ANKS1A: variants seen among roughly 807,000 people sequenced by gnomAD.
ANKS1A encodes ankyrin repeat and SAM domain-containing protein 1A.
ANKS1A carries 55 observed loss-of-function variants against 120.3 expected under a neutral mutation model. The ratio of observed to expected loss-of-function variants is 0.46; its 90% CI spans 0.37 to 0.57. The LOEUF (loss-of-function observed/expected upper bound fraction) is 0.57, where lower values mean the gene tolerates loss of function less well. Among genes scored for constraint, ANKS1A ranks in the 20% least tolerant of loss-of-function variants. ANKS1A has a pLI of 0.00. For synonymous variants in ANKS1A, 590 were observed against 604.7 expected (o/e 0.98, Z 0.36); for missense variants, 1,123 against 1,480.3 (o/e 0.76, Z 3.96).
chr6:34,929,769 TCCCCTC>T (rs1003042675), intron 1 of ANKS1A, among the ~76,000 whole-genome samples: 5 of 146,954 alleles, frequency 3.4e-5, no homozygotes, highest in Admixed American at 6.8e-5. Flanking sequence ...CCCTTCTCCT[TCCCCTC>T]CCCCTCCCCC....
intron 1 of ANKS1A, among the ~76,000 whole-genome samples, chr6:34,933,612 C>T (rs529983172): frequency 4.1e-4 from 63 of 152,278 alleles, no homozygotes; most frequent in African/African-American, 1.4e-3. Context: ...TTAGGTGATC[C>T]GCCCGCCTCA....
Position 34,942,485 on chromosome 6 carries a change from G to A in ANKS1A, c.198-24754G>A, listed in dbSNP as rs115498331. Among the ~76,000 whole-genome samples the A allele has an allele frequency of 3.5e-3, 529 of 152,344 alleles. 6 individuals are homozygous for A. Among genetic ancestry groups the A allele is most frequent in the African/African-American group, 0.012 (504 of 41,572 alleles). Reference sequence around the variant, plus strand: ...TTCATACTCCAAATCTGAAGAGTGAGTGAGGTGGTGGATGATCACTAACAG... The same window carrying A: ...TTCATACTCCAAATCTGAAGAGTGAATGAGGTGGTGGATGATCACTAACAG... On this transcript the variant is annotated intron_variant, in intron 1 of 23. Transcript: ENST00000360359.
intron 10 of ANKS1A, among the ~76,000 whole-genome samples, chr6:35,015,776 G>GA (rs1280479641): frequency 6.6e-6 from 1 of 152,204 alleles, no homozygotes; most frequent in African/African-American, 2.4e-5. Context: ...AGGCTGTTTT[G>GA]AAAAAACCAC....
chr6:35,028,199 A>C (rs1774725022), intron 11 of ANKS1A, among the ~76,000 whole-genome samples: 1 of 152,222 alleles, frequency 6.6e-6, no homozygotes, highest in South Asian at 2.1e-4. Context: ...AAAAGCATGG[A>C]AGAGCCTTAT....
At chr6:35,063,979 A>G (rs953089340) in intron 13 of ANKS1A, among the ~76,000 whole-genome samples, 3 of 152,218 alleles carry the variant, frequency 2.0e-5, no homozygotes, top group African/African-American at 4.8e-5. Context: ...GAAAGATCAC[A>G]GAGACAGGAA....
chr6:34,952,399 A>G (rs1770131653), intron 1 of ANKS1A, among the ~76,000 whole-genome samples: 1 of 152,192 alleles, frequency 6.6e-6, no homozygotes, highest in Non-Finnish European at 1.5e-5. Flanking sequence ...ATAAGCCAGT[A>G]TTTGTGATTT....
intron 13 of ANKS1A, among the ~76,000 whole-genome samples, chr6:35,061,441 G>A (rs980737752): frequency 1.3e-5 from 2 of 152,214 alleles, no homozygotes; most frequent in Non-Finnish European, 2.9e-5. Context: ...TGGGGTCAGA[G>A]TCAGCATGCA....
intron 1 of ANKS1A, among the ~76,000 whole-genome samples, chr6:34,955,602 C>G (rs571477744): frequency 6.6e-6 from 1 of 152,102 alleles, no homozygotes; most frequent in African/African-American, 2.4e-5. Flanking sequence ...CAGATATGGT[C>G]TCTAGGCCTG....
At chr6:35,056,447 C>T (rs1434425967) in intron 12 of ANKS1A, among the ~76,000 whole-genome samples, 1 of 152,120 alleles carries the variant, frequency 6.6e-6, no homozygotes, top group Admixed American at 6.5e-5. Flanking sequence ...CGCCACCACG[C>T]CCGGCTAATT....
rs143962498 is a variant in ANKS1A, at chr6:34,944,134, C to T, written c.198-23105C>T. Among the ~76,000 whole-genome samples the T allele has an allele frequency of 1.3e-4, 20 of 152,184 alleles. No individual in the cohort carries two copies. In the East Asian group the frequency reaches 2.3e-3, roughly 18 times the overall value. On this transcript the variant is annotated intron_variant, in intron 1 of 23. Transcript: ENST00000360359. ...CTAAAAATACAAAAACAAAGTTAGC[C>T]GGGCATGGTGGTGGGTGCCTGTAGT...
chr6:34,894,166 A>G (rs891489922), intron 1 of ANKS1A, among the ~76,000 whole-genome samples: 4 of 152,156 alleles, frequency 2.6e-5, no homozygotes, highest in Non-Finnish European at 5.9e-5. Context: ...TTCTTAACTT[A>G]CAGTATTTTT....
chr6:34,893,026 G>T (rs11964856), intron 1 of ANKS1A, among the ~76,000 whole-genome samples: 15 of 152,246 alleles, frequency 9.9e-5, no homozygotes, highest in African/African-American at 3.4e-4. Context: ...AAGACCACTT[G>T]TTTTTGTGTC....
At chr6:34,947,742 G>A (rs905703037) in intron 1 of ANKS1A, among the ~76,000 whole-genome samples, 1 of 152,214 alleles carries the variant, frequency 6.6e-6, no homozygotes, top group African/African-American at 2.4e-5. Context: ...GTACTCCTCA[G>A]TTGGGAGATG....
chr6:35,060,190 G>T lies in ANKS1A; in HGVS notation c.2121G>T (p.Ser707=), dbSNP rs371111215. 5 of 1,612,714 alleles carry T rather than the reference G, an allele frequency of 3.1e-6. No homozygotes were observed. The highest frequency in any genetic ancestry group is 8.5e-7 in the Non-Finnish European group (1 of 1,179,700). Residue 707 remains serine (S), a synonymous_variant, in exon 13 of 24, where the codon TCG becomes TCT. Transcript: ENST00000360359. This position sits in a 1 kb window ranked among gnomAD's most constrained non-coding sequence, Gnocchi z 4.5. ...AGAGTGTCGGGGAGTGGCTGGAGTCGATTGGGCTGCAGCAGTATGAGAGCA... is the reference window on the plus strand; with the variant it reads ...AGAGTGTCGGGGAGTGGCTGGAGTCTATTGGGCTGCAGCAGTATGAGAGCA... ...LEQSVGEWLE[S]IGLQQYESKL...
At chr6:35,027,558 G>A (rs962543533) in intron 11 of ANKS1A, among the ~76,000 whole-genome samples, 9 of 152,158 alleles carry the variant, frequency 5.9e-5, no homozygotes, top group African/African-American at 1.9e-4. Context: ...GCAGCCAGAT[G>A]GTGGGGGATA....
intron 1 of ANKS1A, among the ~76,000 whole-genome samples, chr6:34,961,901 T>A (rs974853282): frequency 6.6e-6 from 1 of 152,226 alleles, no homozygotes; most frequent in African/African-American, 2.4e-5. Context: ...CAGACAGTCC[T>A]TGTTTGGCCA....
intron 11 of ANKS1A, among the ~76,000 whole-genome samples, chr6:35,052,399 C>T (rs820096): frequency 0.4 from 61,194 of 151,334 alleles, 12,696 homozygotes; most frequent in East Asian, 0.62. Context: ...TGCAGTGAGC[C>T]GTGATCACAC....
At position 34,965,834 on chromosome 6, in the gene ANKS1A, A is replaced by C. The variant is rs145086418; in HGVS notation, c.198-1405A>C. Reference sequence around the variant, plus strand: ...TGATCTTGGCTCCCTGCAATCTCTGACTCCTGGATTCAAGCAATTCTTCTG... The same window carrying C: ...TGATCTTGGCTCCCTGCAATCTCTGCCTCCTGGATTCAAGCAATTCTTCTG... On this transcript the variant is annotated intron_variant, in intron 1 of 23. Coordinates refer to ENST00000360359, the MANE Select transcript of ANKS1A (RefSeq NM_015245.3). Among the ~76,000 whole-genome samples the C allele has an allele frequency of 5.4e-5, 8 of 149,484 alleles. No homozygotes were observed. In the East Asian group the frequency reaches 1.4e-3, roughly 26 times the overall value.
intron 13 of ANKS1A, among the ~76,000 whole-genome samples, chr6:35,074,230 C>T (rs189105394): frequency 4.6e-5 from 7 of 152,366 alleles, no homozygotes; most frequent in South Asian, 2.1e-4. Flanking sequence ...CACTCTTGGA[C>T]GTCCACGTCC....
Sources: gnomAD v4.1 joint callset for allele counts (sites outside exome capture counted in the v4.1 genomes callset) on GRCh38, gnomAD v4.1.1 for gene constraint, Gnocchi (gnomAD v3.1) non-coding constraint, MANE v1.5 for transcripts, NCBI Gene and HGNC (gene_info 2026-07-23, HGNC 2026-07-21) for gene names.